Variants in TANK observed in about 807,000 individuals in gnomAD.
TANK encodes the protein TRAF family member-associated NF-kappa-B activator.
A neutral mutation model predicts 43.6 loss-of-function variants in TANK; 15 were observed. The observed-to-expected ratio is 0.34, with a 90% CI of 0.23 to 0.53. TANK has a LOEUF of 0.53. TANK is among the 20% of genes least tolerant of loss of function. The probability of loss-of-function intolerance (pLI) is 0.94; values close to 1 mark genes in which losing one functional copy is unlikely to be tolerated. For missense variants in TANK, 417 were observed against 498.6 expected (o/e 0.84, Z 1.56); for synonymous variants, 162 against 178.2 (o/e 0.91, Z 0.73).
chr2:161,225,683 C>G (rs781187349), intron 6 of TANK, among the ~76,000 whole-genome samples: 1 of 152,126 alleles, frequency 6.6e-6, no homozygotes, highest in Non-Finnish European at 1.5e-5. Context: ...AGACAATTCC[C>G]AAAGGATGTG....
At chr2:161,172,176 A>C (rs1684969055) in intron 1 of TANK, among the ~76,000 whole-genome samples, 1 of 152,276 alleles carries the variant, frequency 6.6e-6, no homozygotes, top group Non-Finnish European at 1.5e-5. Context: ...GTCATACACT[A>C]TTTTATGCAT....
intron 4 of TANK, chr2:161,212,524 A>G (rs1686938585): frequency 3.0e-6 from 3 of 985,306 alleles, no homozygotes; most frequent in Non-Finnish European, 3.6e-6. Flanking sequence ...ATCATCTTAC[A>G]GTTTTTGCTT....
chr2:161,152,019 A>C (rs1031378684), intron 1 of TANK, among the ~76,000 whole-genome samples: 5 of 152,170 alleles, frequency 3.3e-5, no homozygotes, highest in Admixed American at 6.5e-5. Context: ...ATTTTAACTT[A>C]TACCAACTTA....
At chr2:161,184,439 A>T (rs918154769) in intron 2 of TANK, among the ~76,000 whole-genome samples, 1 of 152,200 alleles carries the variant, frequency 6.6e-6, no homozygotes, top group East Asian at 1.9e-4. Flanking sequence ...TTGATATAAA[A>T]TTATGTAGTT....
chr2:161,188,551 A>G (rs1340414769), intron 2 of TANK, among the ~76,000 whole-genome samples: 1 of 152,178 alleles, frequency 6.6e-6, no homozygotes, highest in African/African-American at 2.4e-5. Context: ...CCAACAACGA[A>G]AAGCCTAGGA....
chr2:161,220,089 G>GT (rs1210505206), intron 4 of TANK, among the ~76,000 whole-genome samples: 3 of 152,142 alleles, frequency 2.0e-5, no homozygotes, highest in Non-Finnish European at 2.9e-5. Flanking sequence ...ACTACACTCA[G>GT]TTGCCTAAGC....
At chr2:161,230,881 AAAT>A (rs1378207287) in intron 6 of TANK, 87 bp from the exon 7 acceptor site, 116 of 1,033,966 alleles carry the variant, frequency 1.1e-4, no homozygotes, top group Middle Eastern at 2.7e-4. Context: ...CCAATAGAAA[AAAT>A]AATAATAATC....
intron 1 of TANK, among the ~76,000 whole-genome samples, chr2:161,170,033 A>G (rs933788682): frequency 5.9e-5 from 9 of 152,236 alleles, no homozygotes; most frequent in African/African-American, 2.2e-4. Context: ...CCATCCAAAC[A>G]GAAGACTGAG....
chr2:161,166,928 G>A (rs1684708998), intron 1 of TANK, among the ~76,000 whole-genome samples: 1 of 152,228 alleles, frequency 6.6e-6, no homozygotes, highest in Non-Finnish European at 1.5e-5. Flanking sequence ...CAAGGGGTTG[G>A]GAAAGGCTGG....
chr2:161,188,067 G>C (rs1229466219), intron 2 of TANK, among the ~76,000 whole-genome samples: 1 of 152,150 alleles, frequency 6.6e-6, no homozygotes, highest in African/African-American at 2.4e-5. Context: ...GCAGTGAATA[G>C]AGAAATGTTT....
intron 1 of TANK, among the ~76,000 whole-genome samples, chr2:161,143,922 A>T (rs1373387377): frequency 6.6e-6 from 1 of 152,072 alleles, no homozygotes; most frequent in Non-Finnish European, 1.5e-5. Flanking sequence ...GGTAGAATTC[A>T]TCCATGAATC....
At chr2:161,179,522 G>A in intron 1 of TANK, 92 bp from the exon 2 acceptor site, 2 of 1,120,852 alleles carry the variant, frequency 1.8e-6, no homozygotes, top group Non-Finnish European at 2.4e-6. Context: ...TAATGTTTGT[G>A]GTAAACCTTA....
At position 161,179,818 on chromosome 2, in the gene TANK, C is replaced by G. The variant is rs1685339780; in HGVS notation, c.99+57C>G. On this transcript the variant is annotated intron_variant, in intron 2 of 7. Coordinates refer to ENST00000392749, the MANE Select transcript of TANK (RefSeq NM_001199135.3). Reference sequence around the variant, plus strand: ...TATCTTGGTACATGGAATTTTAGAGCCTTTTGCATCTGAAAAATGTTATAT... The same window carrying G: ...TATCTTGGTACATGGAATTTTAGAGGCTTTTGCATCTGAAAAATGTTATAT... 5 of 1,537,872 alleles carry G rather than the reference C, an allele frequency of 3.3e-6. No individual in the cohort carries two copies. In the South Asian group the frequency reaches 5.0e-5, roughly 15 times the overall value.
chr2:161,216,404 T>C, intron 4 of TANK: 1 of 470,414 alleles, frequency 2.1e-6, no homozygotes, highest in Non-Finnish European at 4.4e-6. Context: ...GACTCCTCAC[T>C]TCTGTCCTCA....
intron 2 of TANK, chr2:161,200,916 G>C (rs1686377716): frequency 5.5e-6 from 1 of 181,680 alleles, no homozygotes; most frequent in African/African-American, 2.4e-5. Context: ...AAGTTAATTA[G>C]TTTGTTTATT....
At chr2:161,194,851 GT>G (rs60774977) in intron 2 of TANK, among the ~76,000 whole-genome samples, 2 of 151,302 alleles carry the variant, frequency 1.3e-5, no homozygotes, top group Non-Finnish European at 2.9e-5. Context: ...TTTTTTTTAT[GT>G]TTTTTTTCCC....
At chr2:161,140,948 C>T (rs1382522487) in intron 1 of TANK, among the ~76,000 whole-genome samples, 2 of 152,100 alleles carry the variant, frequency 1.3e-5, no homozygotes, top group African/African-American at 4.8e-5. Context: ...TTATTAACAA[C>T]TTGCATTAGT....
At chr2:161,161,069 AG>A (rs1302780831) in intron 1 of TANK, 5 of 766,332 alleles carry the variant, frequency 6.5e-6, no homozygotes, top group Non-Finnish European at 7.9e-6. Flanking sequence ...GAAGAACAGA[AG>A]CCAACCCCGC....
At chr2:161,192,117 C>T (rs533977545) in intron 2 of TANK, among the ~76,000 whole-genome samples, 1 of 152,218 alleles carries the variant, frequency 6.6e-6, no homozygotes, top group African/African-American at 2.4e-5. Flanking sequence ...TGAACCTTCT[C>T]ATTTTTTCCT....
Sources: gnomAD v4.1 joint callset for allele counts (sites outside exome capture counted in the v4.1 genomes callset) on GRCh38, gnomAD v4.1.1 for gene constraint, MANE v1.5 for transcripts, NCBI Gene and HGNC (gene_info 2026-07-23, HGNC 2026-07-21) for gene names.